Variants in CTPS1 observed in about 807,000 individuals in gnomAD.
The protein encoded by CTPS1 is CTP synthetase 1.
In CTPS1, 25 loss-of-function variants were observed where a neutral mutation model predicts 80.5. The ratio of observed to expected loss-of-function variants is 0.31; its 90% CI spans 0.23 to 0.43. The LOEUF is 0.43. Ranked by LOEUF, CTPS1 falls within the 20% of genes least tolerant of loss-of-function variation. The pLI is 1.00. For missense variants in CTPS1, 442 were observed against 725.7 expected, an observed-to-expected ratio of 0.61 and a Z score of 4.49; for synonymous variants, 267 against 252.5, an observed-to-expected ratio of 1.06 and a Z score of -0.54.
chr1:40,989,605 A>G (rs927995536), intron 5 of CTPS1, among the ~76,000 whole-genome samples: 14 of 152,130 alleles, frequency 9.2e-5, no homozygotes, highest in African/African-American at 2.7e-4. Flanking sequence ...GCCTCCATAC[A>G]CTTGGAGAAA....
At chr1:41,006,772 G>A (rs1570980923) in intron 13 of CTPS1, among the ~76,000 whole-genome samples, 1 of 152,342 alleles carries the variant, frequency 6.6e-6, no homozygotes, top group African/African-American at 2.4e-5. Context: ...GACTGCCCTT[G>A]TCACTGAGGA....
At position 40,987,576 on chromosome 1, in the gene CTPS1, C is replaced by G. The variant is rs1251464174; in HGVS notation, c.438+104C>G. The G allele has an allele frequency of 7.3e-6, 6 of 821,430 alleles. No homozygotes were observed. In the African/African-American group the frequency reaches 1.0e-4, roughly 14 times the overall value. 50.9% of individuals were successfully genotyped at this position (821,430 alleles called of 1,614,324 possible). A position where few individuals can be genotyped will look rare whatever the true frequency, so the allele number is the denominator to read the frequency against. On this transcript the variant is annotated intron_variant, in intron 4 of 18. Coordinates refer to ENST00000650070, the MANE Select transcript of CTPS1 (RefSeq NM_001905.4). The stretch of plus-strand genomic sequence containing the variant: ...AGTGGAGCCCTTGGCCTTCCTATCT[C>G]TGGTGCAGTATGTTGCAATGTGGCA...
intron 4 of CTPS1, 98 bp downstream of exon 4, chr1:40,987,570 C>T (rs1318589713): frequency 1.7e-5 from 15 of 859,246 alleles, no homozygotes; most frequent in Non-Finnish European, 2.5e-5. Flanking sequence ...CTTGGCCTTC[C>T]TATCTCTGGT....
intron 2 of CTPS1, among the ~76,000 whole-genome samples, chr1:40,983,666 A>G (rs1642373846): frequency 6.8e-6 from 1 of 147,178 alleles, no homozygotes; most frequent in South Asian, 2.1e-4. Flanking sequence ...TCTGTCCCTC[A>G]GGCTGGAGTG....
At chr1:40,983,495 C>T in intron 2 of CTPS1, 39 bp downstream of exon 2, 1 of 1,518,370 alleles carries the variant, frequency 6.6e-7, no homozygotes, top group Non-Finnish European at 9.0e-7. Flanking sequence ...TTGCATGTGG[C>T]AGAACATGTC....
chr1:40,985,476 C>T (rs929737023), intron 3 of CTPS1, among the ~76,000 whole-genome samples: 3 of 152,222 alleles, frequency 2.0e-5, no homozygotes, highest in African/African-American at 7.2e-5. Flanking sequence ...TGGGTCCTCC[C>T]AAGCTTTCAC....
chr1:40,990,081 G>A (rs1009272130), intron 5 of CTPS1, among the ~76,000 whole-genome samples: 9 of 150,328 alleles, frequency 6.0e-5, no homozygotes, highest in Non-Finnish European at 8.9e-5. Context: ...CTACCCCCCC[G>A]TATTTGGAAA....
intron 5 of CTPS1, among the ~76,000 whole-genome samples, chr1:40,990,592 C>T (rs561211316): frequency 1.1e-4 from 17 of 151,776 alleles, no homozygotes; most frequent in African/African-American, 3.9e-4. Context: ...TGAGACCAGC[C>T]TGGGCAATGT....
intron 1 of CTPS1, chr1:40,981,229 TGTA>T (rs1255721081): frequency 2.0e-5 from 3 of 152,210 alleles, no homozygotes; most frequent in African/African-American, 7.2e-5. Flanking sequence ...GTAGCTGTCA[TGTA>T]AGTCAGTAGC....
In CTPS1 at chr1:41,006,088, T is replaced by C; in HGVS notation, c.1290T>C (p.His430=). Residue 430 remains histidine, a synonymous_variant, in exon 13 of 19, where the codon CAT becomes CAC. Transcript: ENST00000650070. ...NSTEFDPTTS[H]PVVVDMPEHN... is the part of the protein sequence containing the mutation. ...CAGAGTTTGACCCTACGACCAGTCA[T>C]CCCGTGGTGAGTCAAGTGTTTGAAC... 2 of 1,613,468 alleles carry C rather than the reference T, an allele frequency of 1.2e-6. No individual in the cohort carries two copies. Among genetic ancestry groups the C allele is most frequent in the Non-Finnish European group, 8.5e-7 (1 of 1,179,388 alleles).
chr1:41,009,675 T>A, intron 17 of CTPS1, 86 bp downstream of exon 17: 1 of 1,515,100 alleles, frequency 6.6e-7, no homozygotes. Flanking sequence ...CACGTCACAG[T>A]CAGTCATAAG....
chr1:40,987,340 CG>C, intron 3 of CTPS1, 31 bp from the exon 4 acceptor site: 1 of 1,497,042 alleles, frequency 6.7e-7, no homozygotes, highest in Non-Finnish European at 9.3e-7. Flanking sequence ...GATGGACAAG[CG>C]TAAGTTCCCT....
At chr1:40,981,910 T>G in intron 1 of CTPS1, 1 of 1,143,102 alleles carries the variant, frequency 8.7e-7, no homozygotes, top group Non-Finnish European at 1.2e-6. Context: ...AACTCCTTAG[T>G]TTTCTTGTTC....
At chr1:40,991,035 A>C in intron 5 of CTPS1, 130 bp from the exon 6 acceptor site, 1 of 696,424 alleles carries the variant, frequency 1.4e-6, no homozygotes, top group Non-Finnish European at 2.4e-6. Flanking sequence ...TTTGACAAAC[A>C]TAAAAGCTAA....
intron 13 of CTPS1, among the ~76,000 whole-genome samples, chr1:41,006,807 A>C (rs1643046134): frequency 6.6e-6 from 1 of 152,188 alleles, no homozygotes; most frequent in African/African-American, 2.4e-5. Flanking sequence ...AGACGGACAA[A>C]GTTCTTGATC....
rs960082449 is a variant in CTPS1, at chr1:40,984,543, A to G, written c.167-278A>G. On this transcript the variant is annotated intron_variant, in intron 2 of 18. Transcript: ENST00000650070. The stretch of plus-strand genomic sequence containing the variant: ...TATACTACTGTAAAGTCCTGTATGC[A>G]CAGCCCACTGGGCTGTCATTTCTTC... Among the ~76,000 whole-genome samples the G allele has an allele frequency of 2.6e-5, 4 of 152,184 alleles. No individual in the cohort carries two copies. In the East Asian group the frequency reaches 7.7e-4, roughly 29 times the overall value.
chr1:41,001,436 T>A (rs1642901594), intron 10 of CTPS1: 1 of 277,084 alleles, frequency 3.6e-6, no homozygotes, highest in African/African-American at 2.3e-5. Flanking sequence ...AGCTGTTATT[T>A]ATAATAGTAA....
intron 2 of CTPS1, among the ~76,000 whole-genome samples, chr1:40,984,593 T>G (rs1642404866): frequency 6.6e-6 from 1 of 152,226 alleles, no homozygotes; most frequent in Non-Finnish European, 1.5e-5. Flanking sequence ...TTTATAACTC[T>G]TCTTAAGAAT....
At chr1:41,010,290 A>T in intron 18 of CTPS1, 36 bp downstream of exon 18, 1 of 1,446,640 alleles carries the variant, frequency 6.9e-7, no homozygotes, top group Non-Finnish European at 9.7e-7. Context: ...TTTTAAAAAC[A>T]TGGTGATAAC....
Sources: allele counts gnomAD v4.1 joint callset (sites outside exome capture counted in the v4.1 genomes callset), GRCh38; gene constraint gnomAD v4.1.1; transcripts MANE v1.5; gene names NCBI Gene and HGNC (gene_info 2026-07-23, HGNC 2026-07-21).